The following CALN1 variants were observed in gnomAD, a reference collection of about 807,000 sequenced individuals.
CALN1 encodes calneuron 1.
A neutral mutation model predicts 30.6 loss-of-function variants in CALN1; 17 were observed. The ratio of observed to expected loss-of-function variants is 0.56; its 90% confidence interval spans 0.38 to 0.83. The LOEUF (loss-of-function observed/expected upper bound fraction) is 0.83, where lower values mean the gene tolerates loss of function less well. CALN1 is among the 40% of genes least tolerant of loss of function. The pLI, the probability that CALN1 is intolerant of heterozygous loss-of-function variation, is 0.00. For missense variants in CALN1, 291 were observed against 354.9 expected (o/e 0.82, Z 1.45); for synonymous variants, 156 against 131.4 (o/e 1.19, Z -1.28).
intron 5 of CALN1, among the ~76,000 whole-genome samples, chr7:71,962,916 G>A (rs1190836067): frequency 1.3e-5 from 2 of 152,212 alleles, no homozygotes; most frequent in East Asian, 1.9e-4. Flanking sequence ...TCAATTCAAC[G>A]CTTACTCAAA....
intron 3 of CALN1, among the ~76,000 whole-genome samples, chr7:72,246,536 G>A (rs542853719): frequency 6.6e-6 from 1 of 152,058 alleles, no homozygotes; most frequent in Middle Eastern, 3.4e-3. Flanking sequence ...ACTCATCCAA[G>A]GTATAAATCA....
chr7:71,833,770 G>A (rs991953826), intron 5 of CALN1, among the ~76,000 whole-genome samples: 1 of 151,968 alleles, frequency 6.6e-6, no homozygotes, highest in African/African-American at 2.4e-5. Context: ...AGAATTAGCT[G>A]GGTTTAGTGG....
At chr7:72,377,437 G>GTGTGTA (rs1491319417) in intron 2 of CALN1, among the ~76,000 whole-genome samples, 4 of 3,602 alleles carry the variant, frequency 1.1e-3, no homozygotes, top group Non-Finnish European at 6.7e-3. Flanking sequence ...CCACACTTTC[G>GTGTGTA]TGTGTGTGTG....
At chr7:72,476,787 G>C in the CALN1 span, among the ~76,000 whole-genome samples, 1 of 152,236 alleles carries the variant, frequency 6.6e-6, no homozygotes, top group Admixed American at 6.5e-5. Context: ...GGTGCTGGAG[G>C]GGGCAGAGGT....
intron 5 of CALN1, among the ~76,000 whole-genome samples, chr7:72,013,656 A>G (rs777184707): frequency 5.9e-5 from 9 of 152,330 alleles, no homozygotes; most frequent in Admixed American, 1.3e-4. Context: ...GCCAGTCAAA[A>G]TAAGTACAAT....
intron 3 of CALN1, among the ~76,000 whole-genome samples, chr7:72,162,699 A>T (rs956509036): frequency 2.0e-5 from 3 of 152,210 alleles, no homozygotes; most frequent in African/African-American, 7.2e-5. Flanking sequence ...AGATCATGCC[A>T]CTATACTCCA....
In CALN1 at chr7:71,784,646, G is replaced by A. The variant is rs886749658; in HGVS notation, c.*3129C>T. 20 of 392,790 alleles carry A rather than the reference G, an allele frequency of 5.1e-5. No homozygotes were observed. The highest frequency in any genetic ancestry group is 1.2e-4 in the African/African-American group (6 of 48,436). The allele number at this position is 392,790 out of a possible 1,614,324, so 24.3% of individuals were successfully genotyped here. ...CACTTGTGCTTTCCAGGGGGGCGGCGGGGGGTACCTGCTCTTGCAGCAAGA... is the reference window on the plus strand; with the variant it reads ...CACTTGTGCTTTCCAGGGGGGCGGCAGGGGGTACCTGCTCTTGCAGCAAGA... On this transcript the variant is annotated 3_prime_UTR_variant, in exon 7 of 7. Transcript: ENST00000395275.
intron 3 of CALN1, among the ~76,000 whole-genome samples, chr7:72,268,159 T>A (rs146020362): frequency 1.3e-5 from 2 of 152,346 alleles, no homozygotes; most frequent in East Asian, 3.9e-4. Flanking sequence ...ATGATTATGA[T>A]GATGACAACA....
At chr7:72,037,610 C>T (rs888389630) in intron 4 of CALN1, among the ~76,000 whole-genome samples, 6 of 152,194 alleles carry the variant, frequency 3.9e-5, no homozygotes, top group African/African-American at 1.4e-4. Context: ...GTGACCAGAA[C>T]ACAGATCCCT....
intron 4 of CALN1, among the ~76,000 whole-genome samples, chr7:72,042,317 T>C (rs1011410137): frequency 1.3e-5 from 2 of 152,128 alleles, no homozygotes; most frequent in Admixed American, 6.6e-5. Flanking sequence ...TGATTTACCA[T>C]GGAGAAAGAA....
chr7:71,798,083 GAGAGAC>G (rs1562787737), intron 6 of CALN1, among the ~76,000 whole-genome samples: 2 of 124,350 alleles, frequency 1.6e-5, no homozygotes, highest in African/African-American at 3.6e-5. Flanking sequence ...GAGAGACAGA[GAGAGAC>G]AGAGAGAGAG....
chr7:72,084,167 C>G (rs950745587), intron 4 of CALN1, among the ~76,000 whole-genome samples: 5 of 152,084 alleles, frequency 3.3e-5, no homozygotes, highest in Non-Finnish European at 7.4e-5. Flanking sequence ...CAAGATCACG[C>G]CATTGCACTC....
intron 3 of CALN1, among the ~76,000 whole-genome samples, chr7:72,256,741 G>A (rs1585282328): frequency 6.6e-6 from 1 of 152,088 alleles, no homozygotes; most frequent in Non-Finnish European, 1.5e-5. Flanking sequence ...CAAAGTGCTG[G>A]GATTACAGGC....
At chr7:72,225,965 A>T (rs1281259249) in intron 3 of CALN1, among the ~76,000 whole-genome samples, 1 of 151,882 alleles carries the variant, frequency 6.6e-6, no homozygotes, top group Non-Finnish European at 1.5e-5. Context: ...GTGTGGTGGC[A>T]CACACCTGTA....
chr7:71,818,944 G>A (rs997418956), intron 5 of CALN1, among the ~76,000 whole-genome samples: 39 of 151,410 alleles, frequency 2.6e-4, no homozygotes, highest in Non-Finnish European at 1.0e-4. Flanking sequence ...TCCTGACCTC[G>A]TGATCTGCCC....
chr7:72,243,848 T>A (rs1034160190), intron 3 of CALN1, among the ~76,000 whole-genome samples: 45 of 152,232 alleles, frequency 3.0e-4, no homozygotes, highest in African/African-American at 1.0e-3. Flanking sequence ...AAAGTCCACT[T>A]AGTAAGTTTG....
At chr7:72,476,330 G>T in the CALN1 span, among the ~76,000 whole-genome samples, 1 of 151,978 alleles carries the variant, frequency 6.6e-6, no homozygotes, top group East Asian at 1.9e-4. Context: ...TGATTGTGAG[G>T]CCTCCCCAGC....
chr7:71,985,150 A>G (rs934696077), intron 5 of CALN1, among the ~76,000 whole-genome samples: 2 of 147,192 alleles, frequency 1.4e-5, no homozygotes, highest in Middle Eastern at 3.4e-3. Context: ...GCAAGCTACA[A>G]AAGAGAGAAC....
At chr7:72,359,976 C>G (rs868147719) in intron 2 of CALN1, among the ~76,000 whole-genome samples, 1 of 63,954 alleles carries the variant, frequency 1.6e-5, no homozygotes, top group Non-Finnish European at 2.6e-5. Flanking sequence ...GACTCCATCT[C>G]AAAAAAAAAA....
Sources: allele counts gnomAD v4.1 joint callset (sites outside exome capture counted in the v4.1 genomes callset), GRCh38; gene constraint gnomAD v4.1.1; transcripts MANE v1.5; gene names NCBI Gene and HGNC (gene_info 2026-07-23, HGNC 2026-07-21).